Variants in VPS54 observed in about 807,000 individuals in gnomAD.
The protein encoded by VPS54 is VPS54 subunit of GARP complex.
VPS54 carries 45 observed loss-of-function variants against 121.5 expected under a neutral mutation model. That is an observed-to-expected ratio of 0.37 (90% CI 0.29 to 0.47). The LOEUF is 0.47. Ranked by LOEUF, VPS54 falls within the 20% of genes least tolerant of loss-of-function variation. VPS54 has a pLI of 0.99. For missense variants in VPS54, 1,090 were observed against 1,131.4 expected, an observed-to-expected ratio of 0.96 and a Z score of 0.52; for synonymous variants, 371 against 385.8, an observed-to-expected ratio of 0.96 and a Z score of 0.45.
At chr2:63,971,655 T>TA (rs1676288220) in intron 4 of VPS54, among the ~76,000 whole-genome samples, 1 of 152,370 alleles carries the variant, frequency 6.6e-6, no homozygotes, top group Admixed American at 6.5e-5. Context: ...AAAGCTAAGT[T>TA]ACGCATGTTA....
chr2:63,971,689 A>G (rs1019695564), intron 4 of VPS54, among the ~76,000 whole-genome samples: 7 of 152,334 alleles, frequency 4.6e-5, no homozygotes, highest in Admixed American at 4.6e-4. Flanking sequence ...CACTGAACTT[A>G]CTCTTTAATA....
At chr2:63,999,891 C>T (rs1254520976) in intron 1 of VPS54, among the ~76,000 whole-genome samples, 1 of 151,954 alleles carries the variant, frequency 6.6e-6, no homozygotes, top group Admixed American at 6.6e-5. Context: ...GATGGAGTCT[C>T]GCCCTGTCAC....
intron 1 of VPS54, among the ~76,000 whole-genome samples, chr2:64,007,115 A>G (rs528689140): frequency 2.0e-5 from 3 of 152,342 alleles, no homozygotes; most frequent in African/African-American, 7.2e-5. Context: ...AAACTAAACC[A>G]ATATGGGCAG....
intron 7 of VPS54, among the ~76,000 whole-genome samples, chr2:63,956,735 A>G (rs1178333176): frequency 1.3e-5 from 2 of 152,170 alleles, no homozygotes; most frequent in African/African-American, 2.4e-5. Context: ...ATGTCAATAT[A>G]CTTAGCACAG....
In VPS54 at chr2:63,893,402, A is replaced by G. The variant is rs748543443; in HGVS notation, c.*28T>C. 1 of 1,577,630 alleles carries G rather than the reference A, an allele frequency of 6.3e-7. No individual in the cohort carries two copies. Among genetic ancestry groups the G allele is most frequent in the Non-Finnish European group, 8.7e-7 (1 of 1,146,884 alleles). On this transcript the variant is annotated 3_prime_UTR_variant, in exon 23 of 23. Transcript: ENST00000272322. ...CATAACAAACACATCCCATGGTCAGATGAACTACCCAGTTTTCCAGGATGA... is the reference window on the plus strand; with the variant it reads ...CATAACAAACACATCCCATGGTCAGGTGAACTACCCAGTTTTCCAGGATGA...
rs538945148 is a variant in VPS54 at position 63,947,476 on chromosome 2, A to C, written c.1152T>G (p.Ser384=). The change falls in exon 9 of 23, where the codon TCT becomes TCG. Residue 384 remains serine (S), a synonymous_variant. Coordinates refer to ENST00000272322, the MANE Select transcript of VPS54 (RefSeq NM_016516.3). ...CQVLEEERLI[S]LVFGLLKQRK... ...TTTGTTTTAAAAGTCCAAATACAAG[A>C]GATATTAGTCTTTCCTGTTAAAATA... 13 of 1,521,158 alleles carry C rather than the reference A, an allele frequency of 8.5e-6. No homozygotes were observed. The highest frequency in any genetic ancestry group is 1.1e-5 in the Non-Finnish European group (12 of 1,115,476). The allele number at this position is 1,521,158 out of a possible 1,614,324, so 94.2% of individuals were successfully genotyped here.
At chr2:63,934,411 T>C (rs1674358256) in intron 11 of VPS54, among the ~76,000 whole-genome samples, 1 of 152,180 alleles carries the variant, frequency 6.6e-6, no homozygotes, top group South Asian at 2.1e-4. Context: ...CCTACCTCTC[T>C]TTCTCCTTTT....
intron 11 of VPS54, among the ~76,000 whole-genome samples, chr2:63,936,928 G>A (rs1162512434): frequency 6.6e-6 from 1 of 152,016 alleles, no homozygotes; most frequent in Admixed American, 6.6e-5. Flanking sequence ...AATGATACTC[G>A]GAAAACTGAA....
At chr2:63,968,233 AAAGT>A (rs1181852240) in intron 5 of VPS54, among the ~76,000 whole-genome samples, 15 of 152,148 alleles carry the variant, frequency 9.9e-5, no homozygotes, top group East Asian at 3.8e-4. Flanking sequence ...TTTTTCATAC[AAAGT>A]AAGTATCTCT....
intron 3 of VPS54, among the ~76,000 whole-genome samples, chr2:63,978,441 A>C (rs957963758): frequency 3.9e-5 from 6 of 152,226 alleles, no homozygotes; most frequent in African/African-American, 1.4e-4. Flanking sequence ...CTAGAACCAG[A>C]CCTGTCTTCT....
chr2:63,982,730 G>A (rs1037255649), intron 2 of VPS54, among the ~76,000 whole-genome samples: 1 of 152,134 alleles, frequency 6.6e-6, no homozygotes, highest in Non-Finnish European at 1.5e-5. Flanking sequence ...ACTGCGCTTA[G>A]GGGCAATTTA....
At chr2:64,016,606 G>A (rs1045418547) in intron 1 of VPS54, among the ~76,000 whole-genome samples, 3 of 106,812 alleles carry the variant, frequency 2.8e-5, no homozygotes, top group South Asian at 6.6e-4. Context: ...CCACTGAATT[G>A]TATATTTTTT....
At chr2:63,990,794 C>T (rs1677282204) in intron 1 of VPS54, among the ~76,000 whole-genome samples, 1 of 152,198 alleles carries the variant, frequency 6.6e-6, no homozygotes, top group African/African-American at 2.4e-5. Flanking sequence ...TCCTATCTTC[C>T]AAAGGGTACA....
chr2:63,898,119 A>C (rs1458364204), intron 21 of VPS54, among the ~76,000 whole-genome samples: 1 of 152,240 alleles, frequency 6.6e-6, no homozygotes, highest in African/African-American at 2.4e-5. Flanking sequence ...AGTTTTGTGG[A>C]ATTACTAGTA....
chr2:63,991,579 C>T (rs1455101462), intron 1 of VPS54, among the ~76,000 whole-genome samples: 3 of 152,174 alleles, frequency 2.0e-5, no homozygotes, highest in Non-Finnish European at 2.9e-5. Context: ...AACTTAAAAG[C>T]GGCCAAGCCG....
At chr2:63,962,723 G>C (rs1036468293) in intron 6 of VPS54, among the ~76,000 whole-genome samples, 1 of 152,032 alleles carries the variant, frequency 6.6e-6, no homozygotes, top group Non-Finnish European at 1.5e-5. Context: ...CTTTCTAAAA[G>C]AGTACCCCAC....
At chr2:63,952,657 T>A (rs1349923769) in intron 7 of VPS54, among the ~76,000 whole-genome samples, 2 of 152,272 alleles carry the variant, frequency 1.3e-5, no homozygotes, top group East Asian at 3.9e-4. Flanking sequence ...AACATGTAAG[T>A]TTGCATCTTA....
intron 1 of VPS54, among the ~76,000 whole-genome samples, chr2:64,009,261 T>C (rs1004983445): frequency 3.3e-5 from 5 of 152,184 alleles, no homozygotes; most frequent in Non-Finnish European, 7.4e-5. Flanking sequence ...TAACATCTAA[T>C]TGTGACAATT....
intron 1 of VPS54, among the ~76,000 whole-genome samples, chr2:63,994,224 A>G (rs1466071372): frequency 6.6e-6 from 1 of 152,106 alleles, no homozygotes; most frequent in African/African-American, 2.4e-5. Context: ...AAATCTCACC[A>G]TTTATATTAG....
Sources: gnomAD v4.1 joint callset for allele counts (sites outside exome capture counted in the v4.1 genomes callset) on GRCh38, gnomAD v4.1.1 for gene constraint, MANE v1.5 for transcripts, NCBI Gene and HGNC (gene_info 2026-07-23, HGNC 2026-07-21) for gene names.